The following MUSK variants were observed in gnomAD, a reference collection of about 807,000 sequenced individuals.
MUSK encodes muscle associated receptor tyrosine kinase.
MUSK carries 55 observed loss-of-function variants against 88.7 expected under a neutral mutation model. The ratio of observed to expected loss-of-function variants is 0.62; its 90% confidence interval spans 0.50 to 0.78. MUSK has a LOEUF of 0.78. Among genes scored for constraint, MUSK ranks in the 30% least tolerant of loss-of-function variants. The pLI is 0.00. For missense variants in MUSK, 1,015 were observed against 1,074.3 expected, an observed-to-expected ratio of 0.94 and a Z score of 0.77; for synonymous variants, 387 against 391.9, an observed-to-expected ratio of 0.99 and a Z score of 0.15.
intron 5 of MUSK, among the ~76,000 whole-genome samples, chr9:110,731,519 T>G (rs138560995): frequency 1.7e-4 from 26 of 152,018 alleles, no homozygotes; most frequent in African/African-American, 6.3e-4. Flanking sequence ...ATTTTATCAT[T>G]TAGAGAGCAT....
chr9:110,777,511 C>G (rs2077688989), intron 11 of MUSK, among the ~76,000 whole-genome samples: 1 of 152,012 alleles, frequency 6.6e-6, no homozygotes, highest in Non-Finnish European at 1.5e-5. Context: ...TTATGGAAAC[C>G]TTAAAAATCT....
chr9:110,748,080 T>C (rs2077199007), intron 7 of MUSK: 2 of 559,504 alleles, frequency 3.6e-6, no homozygotes, highest in Non-Finnish European at 6.8e-6. Context: ...TTATCTTTTT[T>C]CCTTTTCTCC....
In MUSK at chr9:110,800,874, C is replaced by A; in HGVS notation, c.2496C>A (p.Tyr832Ter). ...CTGAGAACTGCCCCGTGGAGCTGTA[C>A]AATCTCATGCGTCTATGTTGGAGCA... ...SCPENCPVEL[Y>*]NLMRLCWSKL... The change falls in exon 15 of 15, where the codon TAC becomes TAA. Residue 832 changes from tyrosine (Y) to a stop codon, truncating the protein, a stop_gained. Coordinates refer to ENST00000374448, the MANE Select transcript of MUSK (RefSeq NM_005592.4). LOFTEE classifies it high-confidence loss of function. 2 of 1,586,828 alleles carry A rather than the reference C, an allele frequency of 1.3e-6. No individual in the cohort carries two copies. The highest frequency in any genetic ancestry group is 1.7e-6 in the Non-Finnish European group (2 of 1,165,208).
intron 1 of MUSK, among the ~76,000 whole-genome samples, chr9:110,672,366 G>T (rs939764792): frequency 1.3e-5 from 2 of 152,170 alleles, no homozygotes; most frequent in Non-Finnish European, 2.9e-5. Context: ...TGAAGACCCA[G>T]CTGGGGCTAG....
rs1238317983 is a variant in MUSK, at chr9:110,767,976, G to C, written c.1077G>C (p.Leu359=). Reference sequence around the variant, plus strand: ...TGGTCCACACGGCCTGGAATGAACTGAAAGTAGTGAGCCCAGTCTGCCGGC... The same window carrying C: ...TGGTCCACACGGCCTGGAATGAACTCAAAGTAGTGAGCCCAGTCTGCCGGC... The part of the protein sequence containing the change: ...ELLVHTAWNE[L]KVVSPVCRPA... Residue 359 remains leucine, a synonymous_variant, in exon 9 of 15, where the codon CTG becomes CTC. Transcript: ENST00000374448. The C allele has an allele frequency of 6.2e-7, 1 of 1,613,986 alleles. No homozygotes were observed. Among genetic ancestry groups the C allele is most frequent in the Non-Finnish European group, 8.5e-7 (1 of 1,179,888 alleles).
chr9:110,691,196 T>C (rs920389221), intron 3 of MUSK, among the ~76,000 whole-genome samples: 4 of 152,078 alleles, frequency 2.6e-5, no homozygotes, highest in African/African-American at 9.7e-5. Context: ...GATGACTCAC[T>C]CTTGGCCTTG....
Position 110,805,088 on chromosome 9 carries a change from G to A in MUSK, c.*4100G>A, listed in dbSNP as rs977750232. 1.3e-5 allele frequency among the ~76,000 whole-genome samples: 2 copies of A among 151,854 alleles called. No individual in the cohort carries two copies. The highest frequency in any genetic ancestry group is 4.8e-5 in the African/African-American group (2 of 41,422). On this transcript the variant is annotated 3_prime_UTR_variant, in exon 15 of 15. Transcript: ENST00000374448. ...TCGTAATTGACATAACTATTCTACTGTTAGACATTTGGTTTATTTCTATTT... is the reference window on the plus strand; with the variant it reads ...TCGTAATTGACATAACTATTCTACTATTAGACATTTGGTTTATTTCTATTT...
chr9:110,765,375 G>T (rs773923356), intron 8 of MUSK, among the ~76,000 whole-genome samples: 4 of 152,054 alleles, frequency 2.6e-5, no homozygotes, highest in Admixed American at 6.5e-5. Flanking sequence ...GATATTTCTG[G>T]TTACTCCTTA....
In MUSK at chr9:110,697,583, T is replaced by C. The variant is rs918672918; in HGVS notation, c.628+117T>C. 2.8e-6 allele frequency: 3 copies of C among 1,087,540 alleles called. No individual in the cohort carries two copies. The African/African-American group carries it at 4.8e-5, about 17-fold the overall frequency. The allele number at this position is 1,087,540 out of a possible 1,614,324, so 67.4% of individuals were successfully genotyped here. ...TGGGCAGCCCACTTCCCTCAGTTGT[T>C]CCAGATATTAGGCCATAAGTTCAAG... is the stretch of plus-strand genomic sequence containing the variant. On this transcript the variant is annotated intron_variant, in intron 5 of 14. Transcript: ENST00000374448.
chr9:110,731,558 T>C (rs749444021), intron 5 of MUSK, among the ~76,000 whole-genome samples: 9 of 152,052 alleles, frequency 5.9e-5, no homozygotes, highest in South Asian at 4.1e-4. Flanking sequence ...GCAGCTTCCC[T>C]TTAATCCCTG....
chr9:110,669,274 C>T (rs530769920), intron 1 of MUSK, among the ~76,000 whole-genome samples: 1 of 152,254 alleles, frequency 6.6e-6, no homozygotes, highest in South Asian at 2.1e-4. Context: ...TTATCAAGGT[C>T]TATTTTGTTT....
chr9:110,744,232 G>C (rs1405439813), intron 6 of MUSK, among the ~76,000 whole-genome samples: 2 of 152,186 alleles, frequency 1.3e-5, no homozygotes, highest in African/African-American at 2.4e-5. Flanking sequence ...CTTCCAAAGC[G>C]CTGGGATTAC....
intron 3 of MUSK, among the ~76,000 whole-genome samples, chr9:110,693,341 C>T (rs1384818588): frequency 6.6e-6 from 1 of 152,110 alleles, no homozygotes; most frequent in Non-Finnish European, 1.5e-5. Flanking sequence ...TGTGGCCATT[C>T]CAATTGCTAA....
intron 5 of MUSK, among the ~76,000 whole-genome samples, chr9:110,711,673 G>A (rs2076672808): frequency 6.6e-6 from 1 of 152,152 alleles, no homozygotes; most frequent in Non-Finnish European, 1.5e-5. Flanking sequence ...CAAACTTAAA[G>A]AAGGCCCATA....
chr9:110,717,247 C>T (rs1324323720), intron 5 of MUSK, among the ~76,000 whole-genome samples: 2 of 149,222 alleles, frequency 1.3e-5, no homozygotes, highest in South Asian at 2.1e-4. Context: ...CACTTTAACC[C>T]ACACCACAAC....
intron 5 of MUSK, among the ~76,000 whole-genome samples, chr9:110,730,591 C>T (rs964418444): frequency 2.0e-5 from 3 of 152,024 alleles, no homozygotes; most frequent in Admixed American, 2.0e-4. Flanking sequence ...TTACTGTTGA[C>T]TTGTGTCCAA....
chr9:110,748,652 T>C (rs997916439), intron 7 of MUSK, among the ~76,000 whole-genome samples: 3 of 152,024 alleles, frequency 2.0e-5, no homozygotes, highest in Non-Finnish European at 4.4e-5. Context: ...TGGCCTGACA[T>C]GTAAGGCAAG....
intron 11 of MUSK, among the ~76,000 whole-genome samples, chr9:110,777,779 C>T (rs62571379): frequency 0.38 from 58,253 of 151,810 alleles, 12,075 homozygotes; most frequent in Middle Eastern, 0.47. Context: ...GCCTTTCACA[C>T]TAATTATAAA....
chr9:110,724,599 A>G (rs1463845442), intron 5 of MUSK, among the ~76,000 whole-genome samples: 2 of 152,010 alleles, frequency 1.3e-5, no homozygotes, highest in African/African-American at 2.4e-5. Context: ...GAGAAATCAA[A>G]CTTCAAGCCC....
Sources: gnomAD v4.1 joint callset for allele counts (sites outside exome capture counted in the v4.1 genomes callset) on GRCh38, gnomAD v4.1.1 for gene constraint, MANE v1.5 for transcripts, NCBI Gene and HGNC (gene_info 2026-07-23, HGNC 2026-07-21) for gene names.